The following ATF2 variants were observed in gnomAD, a reference collection of about 807,000 sequenced individuals.
ATF2 encodes activating transcription factor 2, also known as cyclic AMP-dependent transcription factor ATF-2.
A neutral mutation model predicts 60.6 loss-of-function variants in ATF2; 24 were observed. The ratio of observed to expected loss-of-function variants is 0.40; its 90% CI spans 0.29 to 0.56. The LOEUF is 0.56. Ranked by LOEUF, ATF2 falls within the 20% of genes least tolerant of loss-of-function variation. The probability of loss-of-function intolerance (pLI) is 0.54; values close to 1 mark genes in which losing one functional copy is unlikely to be tolerated. For missense variants in ATF2, 433 were observed against 607.7 expected (o/e 0.71, Z 3.02); for synonymous variants, 206 against 215.4 (o/e 0.96, Z 0.38).
At chr2:175,100,858 C>T (rs1186403098) in intron 10 of ATF2, among the ~76,000 whole-genome samples, 1 of 152,270 alleles carries the variant, frequency 6.6e-6, no homozygotes, top group East Asian at 1.9e-4. Flanking sequence ...AAACTGGACA[C>T]AGCAGTAGGG....
At chr2:175,149,187 C>A (rs1223169994) in intron 2 of ATF2, among the ~76,000 whole-genome samples, 19 of 152,106 alleles carry the variant, frequency 1.2e-4, no homozygotes, top group Admixed American at 1.2e-3. Context: ...GCCCTTCCAC[C>A]ATCCTTCCTT....
chr2:175,085,407 T>C (rs905407897), intron 12 of ATF2, among the ~76,000 whole-genome samples: 34 of 152,164 alleles, frequency 2.2e-4, no homozygotes, highest in Non-Finnish European at 8.8e-5. Flanking sequence ...TGGTGGCGCA[T>C]GCCTGTAATC....
intron 8 of ATF2, 32 bp downstream of exon 8, chr2:175,114,658 T>G (rs552751289): frequency 6.3e-7 from 1 of 1,598,214 alleles, no homozygotes; most frequent in Admixed American, 1.7e-5. Flanking sequence ...TTAATTCATG[T>G]ATATGTTCAA....
chr2:175,133,889 A>T (rs1425856668), intron 3 of ATF2, among the ~76,000 whole-genome samples: 2 of 152,226 alleles, frequency 1.3e-5, no homozygotes, highest in African/African-American at 4.8e-5. Flanking sequence ...CCTCAATAAA[A>T]AGCAAAAAAG....
Position 175,074,526 on chromosome 2 carries a change from G to A in ATF2, c.*83C>T, listed in dbSNP as rs1574293510. ...AAAAAAATTTACAACCACAGATTTC[G>A]CATAAATGGAAACTGGTCTTTCCTT... is the stretch of plus-strand genomic sequence containing the variant. On this transcript the variant is annotated 3_prime_UTR_variant, in exon 14 of 14. Coordinates refer to ENST00000264110, the MANE Select transcript of ATF2 (RefSeq NM_001880.4). 1.7e-5 allele frequency: 24 copies of A among 1,440,016 alleles called. 1 individual carries two copies. Among genetic ancestry groups the A allele is most frequent in the East Asian group, 7.5e-5 (3 of 39,886 alleles). 89.2% of individuals were successfully genotyped at this position (1,440,016 alleles called of 1,614,324 possible). A position where few individuals can be genotyped will look rare whatever the true frequency, so the allele number is the denominator to read the frequency against.
chr2:175,128,382 C>T (rs1230924595), intron 4 of ATF2, among the ~76,000 whole-genome samples: 1 of 152,008 alleles, frequency 6.6e-6, no homozygotes, highest in African/African-American at 2.4e-5. Flanking sequence ...TGCCTGTAAT[C>T]CAAGCTACTT....
At chr2:175,079,645 T>C (rs1036266421) in intron 13 of ATF2, among the ~76,000 whole-genome samples, 8 of 152,156 alleles carry the variant, frequency 5.3e-5, no homozygotes, top group Admixed American at 1.3e-4. Context: ...TTAAAAAATA[T>C]TGCCCATTCT....
At chr2:175,145,933 C>G (rs1482517090) in intron 2 of ATF2, among the ~76,000 whole-genome samples, 1 of 152,012 alleles carries the variant, frequency 6.6e-6, no homozygotes, top group African/African-American at 2.4e-5. Flanking sequence ...ATATTTATAT[C>G]ATCTCAAAGT....
At chr2:175,115,338 C>T (rs1188577861) in intron 7 of ATF2, among the ~76,000 whole-genome samples, 1 of 152,046 alleles carries the variant, frequency 6.6e-6, no homozygotes, top group Non-Finnish European at 1.5e-5. Context: ...TAGAGCAATA[C>T]AAATAATTGT....
rs145643885 is a variant in ATF2 at position 175,148,392 on chromosome 2, T to C, written c.-44+2668A>G. Among the ~76,000 whole-genome samples, 90 of 149,074 alleles carry C rather than the reference T, an allele frequency of 6.0e-4. 1 individual carries two copies. The South Asian group carries it at 0.011, about 18-fold the overall frequency. ...TATTTCATAAAGAGGAGACAGCATG[T>C]TGAGGCACAATAAAGCACAGTCCAC... On this transcript the variant is annotated intron_variant, in intron 2 of 13. Transcript: ENST00000264110.
chr2:175,140,014 T>C (rs1698395630), intron 2 of ATF2, among the ~76,000 whole-genome samples: 1 of 152,170 alleles, frequency 6.6e-6, no homozygotes, highest in Admixed American at 6.5e-5. Flanking sequence ...CAGAATAATA[T>C]AACTCCTTCT....
Position 175,073,353 on chromosome 2 carries a change from C to G in ATF2, c.*1256G>C, listed in dbSNP as rs1693062759. The G allele has an allele frequency of 6.6e-6, 1 of 151,998 alleles. No individual in the cohort carries two copies. The highest frequency in any genetic ancestry group is 2.1e-4 in the South Asian group (1 of 4,818). 9.4% of individuals were successfully genotyped at this position (151,998 alleles called of 1,614,324 possible). ...CATCATGGAATGTTAGTTATCCAAG[C>G]CTGCACAATAATGACATTTTAAACT... is the stretch of plus-strand genomic sequence containing the variant. On this transcript the variant is annotated 3_prime_UTR_variant, in exon 14 of 14. Coordinates refer to ENST00000264110, the MANE Select transcript of ATF2 (RefSeq NM_001880.4).
At chr2:175,098,983 C>T (rs920857272) in intron 10 of ATF2, among the ~76,000 whole-genome samples, 16 of 151,588 alleles carry the variant, frequency 1.1e-4, no homozygotes, top group Admixed American at 9.9e-4. Flanking sequence ...TGTGAATCAC[C>T]GTATATTCTG....
intron 3 of ATF2, among the ~76,000 whole-genome samples, chr2:175,134,522 C>A (rs1697994330): frequency 6.9e-6 from 1 of 145,520 alleles, no homozygotes. Flanking sequence ...AGAAAATGCA[C>A]TCATCTGAAA....
intron 2 of ATF2, among the ~76,000 whole-genome samples, chr2:175,140,999 GAAAAAAAAAAAAAAAAAAAAA>G (rs869208203): frequency 3.0e-4 from 8 of 26,760 alleles, no homozygotes; most frequent in East Asian, 1.3e-3. Context: ...CCTATCTCAG[GAAAAAAAAAAAAAAAAAAAAA>G]AAAAAAAAAA....
intron 12 of ATF2, among the ~76,000 whole-genome samples, chr2:175,089,991 CTTAA>C (rs1440763325): frequency 6.6e-6 from 1 of 152,028 alleles, no homozygotes; most frequent in Non-Finnish European, 1.5e-5. Flanking sequence ...AATAATAATG[CTTAA>C]TTTAGATGTA....
intron 10 of ATF2, among the ~76,000 whole-genome samples, chr2:175,098,174 T>G (rs956025642): frequency 6.6e-6 from 1 of 152,252 alleles, no homozygotes; most frequent in South Asian, 2.1e-4. Context: ...TTTTAGCAAC[T>G]GATATAATGA....
intron 1 of ATF2, among the ~76,000 whole-genome samples, chr2:175,155,962 A>G (rs373068897): frequency 2.0e-5 from 3 of 152,328 alleles, no homozygotes; most frequent in East Asian, 3.9e-4. Context: ...TCTTTTCAGG[A>G]GTATATGAGT....
chr2:175,121,940 G>A (rs1696982318), intron 4 of ATF2, among the ~76,000 whole-genome samples: 1 of 151,656 alleles, frequency 6.6e-6, no homozygotes. Flanking sequence ...TATTTACCTA[G>A]ACTTAAGGTT....
Sources: gnomAD v4.1 joint callset for allele counts (sites outside exome capture counted in the v4.1 genomes callset) on GRCh38, gnomAD v4.1.1 for gene constraint, MANE v1.5 for transcripts, NCBI Gene and HGNC (gene_info 2026-07-23, HGNC 2026-07-21) for gene names.